TEX11: variants seen among roughly 807,000 people sequenced by gnomAD.
TEX11 encodes testis-expressed protein 11.
A neutral mutation model predicts 84.4 loss-of-function variants in TEX11; 7 were observed. The observed-to-expected ratio is 0.08, with a 90% CI of 0.05 to 0.16. The LOEUF is 0.16. Ranked by LOEUF, TEX11 falls within the 10% of genes least tolerant of loss-of-function variation. TEX11 has a pLI of 1.00. For synonymous variants in TEX11, 264 were observed against 222.8 expected (o/e 1.18, Z -1.64); for missense variants, 551 against 660.5 (o/e 0.83, Z 1.82).
chrX:70,728,610 T>G (rs1210101429), intron 11 of TEX11, among the ~76,000 whole-genome samples: 1 of 111,158 alleles, frequency 9.0e-6, no homozygotes, highest in African/African-American at 3.3e-5. Flanking sequence ...GCAGCGAGGC[T>G]GGGGGAGGGG....
chrX:70,694,662 T>C (rs1043351916), intron 13 of TEX11, among the ~76,000 whole-genome samples: 1 of 112,084 alleles, frequency 8.9e-6, no homozygotes, highest in Non-Finnish European at 1.9e-5. Context: ...AAAATTTAAA[T>C]ACATAGCACT....
chrX:70,838,466 C>A (rs937318816), intron 7 of TEX11, among the ~76,000 whole-genome samples: 2 of 112,059 alleles, frequency 1.8e-5, no homozygotes, highest in Non-Finnish European at 3.8e-5. Context: ...TTAATACCAC[C>A]ACCAATTTCA....
At chrX:70,664,682 C>A (rs1412731266) in intron 16 of TEX11, among the ~76,000 whole-genome samples, 1 of 110,321 alleles carries the variant, frequency 9.1e-6, no homozygotes, top group Non-Finnish European at 1.9e-5. Flanking sequence ...GTGCTTGGCA[C>A]AGATTAGGCA....
At chrX:70,514,866 G>A in the TEX11 span, among the ~76,000 whole-genome samples, 17 of 110,423 alleles carry the variant, frequency 1.5e-4, no homozygotes, top group East Asian at 2.9e-3. Flanking sequence ...TCAGGAGTTC[G>A]AGACTAGCTT....
At chrX:70,840,295 A>G (rs181742706) in intron 7 of TEX11, among the ~76,000 whole-genome samples, 2,486 of 112,076 alleles carry the variant, frequency 0.022, 74 homozygotes, top group South Asian at 0.17. Flanking sequence ...CAGAAACTCT[A>G]CAAGCCAGAA....
At position 70,571,568 on chromosome X, in the gene TEX11, C is replaced by T. The variant is rs1269640295; in HGVS notation, c.2141-16768G>A. Reference sequence around the variant, plus strand: ...TTTTGTTAAGTTCAATCTATTCCATCGTTTTCATTTTGATTTTTTCTTTGA... The same window carrying T: ...TTTTGTTAAGTTCAATCTATTCCATTGTTTTCATTTTGATTTTTTCTTTGA... On this transcript the variant is annotated intron_variant, in intron 25 of 29. Coordinates refer to ENST00000374333, the MANE Select transcript of TEX11 (RefSeq NM_031276.3). 1.9e-4 allele frequency among the ~76,000 whole-genome samples: 21 copies of T among 111,753 alleles called. No individual in the cohort carries two copies. In the Admixed American group the frequency reaches 1.9e-3, roughly 10 times the overall value.
chrX:70,611,920 G>A (rs1239499174), intron 20 of TEX11, among the ~76,000 whole-genome samples: 1 of 111,324 alleles, frequency 9.0e-6, no homozygotes, highest in Non-Finnish European at 1.9e-5. Context: ...AGGATTGCTT[G>A]AATCCAGGAG....
chrX:70,727,318 G>T (rs1237554466), intron 11 of TEX11, among the ~76,000 whole-genome samples: 5 of 111,827 alleles, frequency 4.5e-5, no homozygotes, highest in African/African-American at 1.3e-4. Context: ...TTTCTAGTGT[G>T]AAGTGTATCA....
At chrX:70,885,910 AG>A (rs1403236441) in intron 2 of TEX11, among the ~76,000 whole-genome samples, 89 of 108,158 alleles carry the variant, frequency 8.2e-4, no homozygotes, top group African/African-American at 2.9e-3. Flanking sequence ...AAAAAGAAAA[AG>A]AAAGAAAGAA....
chrX:70,570,238 C>T (rs964774343), intron 25 of TEX11, among the ~76,000 whole-genome samples: 1 of 112,284 alleles, frequency 8.9e-6, no homozygotes, highest in Non-Finnish European at 1.9e-5. Flanking sequence ...TCCTGGTGCG[C>T]CATTTTTTAA....
intron 11 of TEX11, among the ~76,000 whole-genome samples, chrX:70,731,445 G>C (rs1279029741): frequency 9.1e-6 from 1 of 110,385 alleles, no homozygotes; most frequent in South Asian, 3.9e-4. Flanking sequence ...GAATCAAATA[G>C]ACGCAATAAA....
At chrX:70,690,239 T>C (rs1420731679) in intron 13 of TEX11, among the ~76,000 whole-genome samples, 2 of 111,828 alleles carry the variant, frequency 1.8e-5, no homozygotes, top group Non-Finnish European at 3.8e-5. Context: ...GAATTAACCA[T>C]TGATTTTAGG....
chrX:70,794,818 C>T (rs909575703), intron 9 of TEX11, among the ~76,000 whole-genome samples: 2 of 109,237 alleles, frequency 1.8e-5, no homozygotes, highest in Non-Finnish European at 3.8e-5. Flanking sequence ...CAATCAGCAG[C>T]GATAGCCAAG....
intron 28 of TEX11, among the ~76,000 whole-genome samples, chrX:70,550,723 C>T (rs2088201542): frequency 9.0e-6 from 1 of 111,578 alleles, no homozygotes; most frequent in Admixed American, 9.5e-5. Context: ...GTTAAAATGG[C>T]TTATATCCAA....
At chrX:70,521,092 T>G in the TEX11 span, among the ~76,000 whole-genome samples, 14 of 111,506 alleles carry the variant, frequency 1.3e-4, no homozygotes, top group Middle Eastern at 9.3e-3. Flanking sequence ...TTGTGCTTCC[T>G]GGGTGAGGTG....
chrX:70,600,468 T>A (rs948706862), intron 24 of TEX11, among the ~76,000 whole-genome samples: 1 of 110,878 alleles, frequency 9.0e-6, no homozygotes, highest in Admixed American at 9.6e-5. Context: ...TGAGACAGAA[T>A]GTCAATAAGG....
At chrX:70,898,105 A>T (rs1456883584) in intron 2 of TEX11, among the ~76,000 whole-genome samples, 1 of 111,899 alleles carries the variant, frequency 8.9e-6, no homozygotes, top group Non-Finnish European at 1.9e-5. Context: ...TATAAAGATG[A>T]GTGAAGCAGT....
intron 29 of TEX11, among the ~76,000 whole-genome samples, chrX:70,529,491 C>A (rs761872525): frequency 1.8e-5 from 2 of 112,269 alleles, no homozygotes; most frequent in African/African-American, 6.5e-5. Context: ...GGAGAAAATG[C>A]CTTTTTCAAC....
intron 20 of TEX11, among the ~76,000 whole-genome samples, chrX:70,620,070 C>T (rs979617541): frequency 1.1e-4 from 12 of 110,715 alleles, no homozygotes; most frequent in Non-Finnish European, 2.1e-4. Flanking sequence ...GTGATCCGCC[C>T]GCCTCGGCCT....
Sources: allele counts gnomAD v4.1 joint callset (sites outside exome capture counted in the v4.1 genomes callset), GRCh38; gene constraint gnomAD v4.1.1; transcripts MANE v1.5; gene names NCBI Gene and HGNC (gene_info 2026-07-23, HGNC 2026-07-21).